PCBP3: variants seen among roughly 807,000 people sequenced by gnomAD.
PCBP3 encodes the protein poly(rC) binding protein 3, also known as poly(rC)-binding protein 3.
PCBP3 carries 25 observed loss-of-function variants against 52.7 expected under a neutral mutation model. The observed-to-expected ratio is 0.47, with a 90% CI of 0.35 to 0.66. The LOEUF (loss-of-function observed/expected upper bound fraction) is 0.66. Ranked by LOEUF, PCBP3 falls within the 30% of genes least tolerant of loss-of-function variation. The probability of loss-of-function intolerance (pLI) is 0.01; values close to 1 mark genes in which losing one functional copy is unlikely to be tolerated. For missense variants in PCBP3, 391 were observed against 490.3 expected, an observed-to-expected ratio of 0.80 and a Z score of 1.91; for synonymous variants, 162 against 183.0, an observed-to-expected ratio of 0.89 and a Z score of 0.93.
At chr21:45,689,388 C>A (rs1369919566) in intron 2 of PCBP3, among the ~76,000 whole-genome samples, 1 of 151,566 alleles carries the variant, frequency 6.6e-6, no homozygotes, top group Non-Finnish European at 1.5e-5. Context: ...ATTCAACACA[C>A]ATTGATGATA....
intron 4 of PCBP3, among the ~76,000 whole-genome samples, chr21:45,844,862 A>ATGAAGTT (rs2093774219): frequency 6.8e-6 from 1 of 147,606 alleles, no homozygotes; most frequent in Non-Finnish European, 1.5e-5. Context: ...TTATAACTTT[A>ATGAAGTT]TATACGTATA....
chr21:45,646,099 C>CTCTCTT (rs2079270165), intron 1 of PCBP3, among the ~76,000 whole-genome samples: 1 of 85,444 alleles, frequency 1.2e-5, no homozygotes, highest in Non-Finnish European at 2.5e-5. Flanking sequence ...CTCTCTCTCT[C>CTCTCTT]TCTCTCTCTG....
At chr21:45,831,408 C>CAAAA (rs59400163) in intron 4 of PCBP3, among the ~76,000 whole-genome samples, 31 of 86,562 alleles carry the variant, frequency 3.6e-4, no homozygotes, top group African/African-American at 1.0e-3. Flanking sequence ...GATGCTGTCT[C>CAAAA]AAAAAAAAAA....
At chr21:45,831,480 T>G (rs983340207) in intron 4 of PCBP3, among the ~76,000 whole-genome samples, 1 of 151,884 alleles carries the variant, frequency 6.6e-6, no homozygotes, top group African/African-American at 2.4e-5. Context: ...ACATGAAAAT[T>G]TGATGTGCAT....
At chr21:45,924,375 C>T (rs2075027096) in intron 13 of PCBP3, among the ~76,000 whole-genome samples, 1 of 122,354 alleles carries the variant, frequency 8.2e-6, no homozygotes, top group East Asian at 2.6e-4. Context: ...CGGGAACAGT[C>T]GAGTGGATAG....
At chr21:45,687,040 A>G (rs1408435286) in intron 2 of PCBP3, among the ~76,000 whole-genome samples, 2 of 152,198 alleles carry the variant, frequency 1.3e-5, no homozygotes, top group Middle Eastern at 3.2e-3. Context: ...AAGATGCTTA[A>G]TAAAACTCAA....
rs763240531 is a variant in PCBP3, at chr21:45,930,858, C to T, written c.856+13C>T. 3 of 1,612,032 alleles carry T rather than the reference C, an allele frequency of 1.9e-6. No individual in the cohort carries two copies. The highest frequency in any genetic ancestry group is 1.3e-5 in the African/African-American group (1 of 75,024). ...GGCCAGTCATCAGGTAACACAAAGC[C>T]ACACTGACAGGAGAACAGGCCAGGG... On this transcript the variant is annotated intron_variant, in intron 15 of 17. Coordinates refer to ENST00000681687, the MANE Select transcript of PCBP3 (RefSeq NM_001384156.1).
chr21:45,840,258 G>A (rs574387005), intron 4 of PCBP3, among the ~76,000 whole-genome samples: 11 of 151,318 alleles, frequency 7.3e-5, no homozygotes, highest in East Asian at 2.0e-4. Flanking sequence ...CAAGACCATC[G>A]TGGCTAACAT....
intron 15 of PCBP3, among the ~76,000 whole-genome samples, chr21:45,934,045 G>A (rs766534152): frequency 6.6e-6 from 1 of 152,148 alleles, no homozygotes; most frequent in Non-Finnish European, 1.5e-5. Context: ...GACCCCTCTG[G>A]TCTGTCTGGA....
intron 1 of PCBP3, among the ~76,000 whole-genome samples, chr21:45,653,607 C>G (rs1056085758): frequency 1.5e-4 from 23 of 152,044 alleles, no homozygotes; most frequent in African/African-American, 5.5e-4. Flanking sequence ...TTATTCTCAA[C>G]CTTACTATAG....
chr21:45,646,107 C>CTCTCTCTCTGTGTGTGTG (rs1555895746), intron 1 of PCBP3, among the ~76,000 whole-genome samples: 2 of 83,818 alleles, frequency 2.4e-5, no homozygotes, highest in African/African-American at 4.8e-5. Context: ...CTCTCTCTCT[C>CTCTCTCTCTGTGTGTGTG]TGTGTGTGTG....
intron 4 of PCBP3, among the ~76,000 whole-genome samples, chr21:45,792,345 G>A (rs893250826): frequency 5.3e-5 from 8 of 152,236 alleles, no homozygotes; most frequent in Admixed American, 1.3e-4. Context: ...CTGGCCCACC[G>A]AGGCCAGCGT....
intron 2 of PCBP3, among the ~76,000 whole-genome samples, chr21:45,698,926 T>C (rs982620265): frequency 6.6e-6 from 1 of 152,236 alleles, no homozygotes; most frequent in African/African-American, 2.4e-5. Context: ...GGGAACATTT[T>C]ACTGCCTTTC....
chr21:45,784,428 C>T (rs952420025), intron 4 of PCBP3, among the ~76,000 whole-genome samples: 1 of 67,666 alleles, frequency 1.5e-5, no homozygotes, highest in African/African-American at 1.5e-4. Flanking sequence ...ACCCCTACCT[C>T]CTACCTCCTA....
chr21:45,889,317 C>T (rs1183332276), intron 5 of PCBP3, among the ~76,000 whole-genome samples: 1 of 152,218 alleles, frequency 6.6e-6, no homozygotes, highest in Non-Finnish European at 1.5e-5. Flanking sequence ...CTGCAAAAGT[C>T]GTTAAATCAC....
intron 4 of PCBP3, chr21:45,759,696 A>AG (rs751656977): frequency 1.3e-5 from 2 of 152,228 alleles, no homozygotes; most frequent in Non-Finnish European, 2.9e-5. Context: ...CAGAAAGAGA[A>AG]GGGGGGACAA....
intron 2 of PCBP3, among the ~76,000 whole-genome samples, chr21:45,691,788 AG>A (rs1294394267): frequency 6.6e-6 from 1 of 152,156 alleles, no homozygotes. Context: ...ATGGGAGAAA[AG>A]AAAAACCAGC....
At chr21:45,786,703 T>C (rs1446004977) in intron 4 of PCBP3, among the ~76,000 whole-genome samples, 2 of 152,236 alleles carry the variant, frequency 1.3e-5, no homozygotes, top group Non-Finnish European at 2.9e-5. Context: ...ACTCATGGTA[T>C]GTTCCTGTTG....
At chr21:45,859,176 G>A (rs1330766008) in intron 5 of PCBP3, among the ~76,000 whole-genome samples, 6 of 152,276 alleles carry the variant, frequency 3.9e-5, no homozygotes, top group South Asian at 2.1e-4. Flanking sequence ...TGGTGTCACC[G>A]TCCTTGGGAT....
Sources: gnomAD v4.1 joint callset for allele counts (sites outside exome capture counted in the v4.1 genomes callset) on GRCh38, gnomAD v4.1.1 for gene constraint, MANE v1.5 for transcripts, NCBI Gene and HGNC (gene_info 2026-07-23, HGNC 2026-07-21) for gene names.